Variants in STXBP4 observed in about 807,000 individuals in gnomAD.
STXBP4 encodes the protein syntaxin-binding protein 4.
Under a neutral mutation model 76.1 loss-of-function variants are expected in STXBP4, and 55 were observed. The observed-to-expected ratio is 0.72, with a 90% CI of 0.58 to 0.91. STXBP4 has a LOEUF of 0.91. STXBP4 is among the 40% of genes least tolerant of loss of function. STXBP4 has a pLI of 0.00. For synonymous variants in STXBP4, 201 were observed against 220.2 expected, an observed-to-expected ratio of 0.91 and a Z score of 0.77; for missense variants, 618 against 636.9, an observed-to-expected ratio of 0.97 and a Z score of 0.32.
chr17:55,186,395 A>G, the STXBP4 span, among the ~76,000 whole-genome samples: 1 of 152,264 alleles, frequency 6.6e-6, no homozygotes, highest in African/African-American at 2.4e-5. Flanking sequence ...GCCTCATTAT[A>G]TATTAATACT....
rs2077874725 is a variant in STXBP4, at chr17:54,999,627, A to G, written c.288-5A>G. On this transcript the variant is annotated splice_polypyrimidine_tract_variant and splice_region_variant and intron_variant, in intron 5 of 17. Coordinates refer to ENST00000376352, the MANE Select transcript of STXBP4 (RefSeq NM_178509.6). The stretch of plus-strand genomic sequence containing the variant: ...ATCCATAAAGTGATTTCTTTTTAGT[A>G]CTAGGTTAGAATCTGCTTGGGAGAT... The G allele has an allele frequency of 6.2e-7, 1 of 1,611,106 alleles. No individual in the cohort carries two copies. The highest frequency in any genetic ancestry group is 2.2e-5 in the East Asian group (1 of 44,766).
At chr17:55,056,967 T>C (rs2078931427) in intron 12 of STXBP4, among the ~76,000 whole-genome samples, 1 of 152,240 alleles carries the variant, frequency 6.6e-6, no homozygotes, top group South Asian at 2.1e-4. Context: ...TGTAACACTA[T>C]CAATAATTAA....
chr17:55,086,453 C>G (rs1283108137), intron 16 of STXBP4, among the ~76,000 whole-genome samples: 1 of 152,110 alleles, frequency 6.6e-6, no homozygotes, highest in Admixed American at 6.6e-5. Context: ...TTATTGTTAA[C>G]TATACTCATC....
chr17:55,088,909 A>G (rs895494476), intron 16 of STXBP4, among the ~76,000 whole-genome samples: 2 of 152,158 alleles, frequency 1.3e-5, no homozygotes, highest in African/African-American at 4.8e-5. Context: ...TACCTCTAAC[A>G]GTAGAGAAGT....
intron 1 of STXBP4, among the ~76,000 whole-genome samples, chr17:54,984,812 T>C (rs1255366700): frequency 6.6e-6 from 1 of 152,200 alleles, no homozygotes; most frequent in Non-Finnish European, 1.5e-5. Flanking sequence ...ATTATGTGTG[T>C]GCTCAGACTT....
At chr17:55,033,090 G>A (rs745537213) in intron 9 of STXBP4, among the ~76,000 whole-genome samples, 1 of 152,078 alleles carries the variant, frequency 6.6e-6, no homozygotes, top group African/African-American at 2.4e-5. Context: ...TTTCAGGTAG[G>A]AGGTCAGGTG....
At chr17:55,047,585 ATATT>A (rs2078807430) in intron 12 of STXBP4, among the ~76,000 whole-genome samples, 1 of 151,890 alleles carries the variant, frequency 6.6e-6, no homozygotes, top group Non-Finnish European at 1.5e-5. Flanking sequence ...TAAAAAGCAA[ATATT>A]TATTTTCACT....
intron 8 of STXBP4, among the ~76,000 whole-genome samples, chr17:55,022,153 C>T (rs17817442): frequency 0.36 from 54,681 of 151,282 alleles, 10,849 homozygotes; most frequent in East Asian, 0.56. Flanking sequence ...TCAATAAAAT[C>T]CTGAAAGCTT....
chr17:55,043,168 A>C, intron 10 of STXBP4, 68 bp from the exon 11 acceptor site: 1 of 750,178 alleles, frequency 1.3e-6, no homozygotes, highest in East Asian at 3.2e-5. Flanking sequence ...GTCAAAAATG[A>C]TTTTTATGTT....
rs1269798988 is a variant in STXBP4, at chr17:55,163,440, G to A, written c.*3529G>A. 1 of 152,116 alleles carries A rather than the reference G, an allele frequency of 6.6e-6. No individual in the cohort carries two copies. Among genetic ancestry groups the A allele is most frequent in the Non-Finnish European group, 1.5e-5 (1 of 68,036 alleles). The allele number at this position is 152,116 out of a possible 1,614,324, so 9.4% of individuals were successfully genotyped here. A position where few individuals can be genotyped will look rare whatever the true frequency, so the allele number is the denominator to read the frequency against. On this transcript the variant is annotated 3_prime_UTR_variant, in exon 18 of 18. Transcript: ENST00000376352. ...TGGTTGCGAGGACCAACTTTCAAATGAGCTAACTTGGGTGAGACGTTCACT... is the reference window on the plus strand; with the variant it reads ...TGGTTGCGAGGACCAACTTTCAAATAAGCTAACTTGGGTGAGACGTTCACT...
chr17:55,196,412 T>C, the STXBP4 span, among the ~76,000 whole-genome samples: 1 of 152,194 alleles, frequency 6.6e-6, no homozygotes, highest in Non-Finnish European at 1.5e-5. Context: ...CCTCATAGCT[T>C]TGCAAAACAT....
At position 54,986,203 on chromosome 17, in the gene STXBP4, G is replaced by C. The variant is rs1293698994; in HGVS notation, c.-17G>C. 6.3e-7 allele frequency: 1 copy of C among 1,595,698 alleles called. No homozygotes were observed. ...CATTTATACAGCTGTTAAATCCAAG[G>C]CTACTTTGGTGAAAGCATGAATAAA... On this transcript the variant is annotated 5_prime_UTR_variant, in exon 3 of 18. Coordinates refer to ENST00000376352, the MANE Select transcript of STXBP4 (RefSeq NM_178509.6).
intron 16 of STXBP4, among the ~76,000 whole-genome samples, chr17:55,131,413 T>G (rs975888582): frequency 8.5e-5 from 13 of 152,246 alleles, no homozygotes; most frequent in Non-Finnish European, 1.8e-4. Flanking sequence ...GAAATCACCT[T>G]GAGACACACT....
At chr17:55,185,519 T>C in the STXBP4 span, among the ~76,000 whole-genome samples, 1 of 152,016 alleles carries the variant, frequency 6.6e-6, no homozygotes, top group East Asian at 1.9e-4. Context: ...AAAATGTTAA[T>C]AAGGAATCTC....
intron 8 of STXBP4, among the ~76,000 whole-genome samples, chr17:55,011,508 C>CTTTTTTTTTTTTTTTTTTTTTTTT (rs3080154): frequency 2.3e-5 from 2 of 85,922 alleles, no homozygotes; most frequent in Non-Finnish European, 4.0e-5. Flanking sequence ...TTTTCTTTTT[C>CTTTTTTTTTTTTTTTTTTTTTTTT]TTTTTTTTTT....
At chr17:55,199,999 ATATC>A in the STXBP4 span, among the ~76,000 whole-genome samples, 1 of 152,236 alleles carries the variant, frequency 6.6e-6, no homozygotes, top group Non-Finnish European at 1.5e-5. Flanking sequence ...TTCCTCGGTC[ATATC>A]TATCTAGCCC....
rs1395875116 is a variant in STXBP4 at position 55,163,359 on chromosome 17, A to G, written c.*3448A>G. On this transcript the variant is annotated 3_prime_UTR_variant, in exon 18 of 18. Coordinates refer to ENST00000376352, the MANE Select transcript of STXBP4 (RefSeq NM_178509.6). The stretch of plus-strand genomic sequence containing the variant: ...TATAGAGGGAAGTCAAGTAGTGACT[A>G]ACTCACTATATGTCAAACACATCAT... 2.0e-5 allele frequency: 3 copies of G among 152,088 alleles called. No homozygotes were observed. Among genetic ancestry groups the G allele is most frequent in the Admixed American group, 2.0e-4 (3 of 15,266 alleles). 9.4% of individuals were successfully genotyped at this position (152,088 alleles called of 1,614,324 possible). A position where few individuals can be genotyped will look rare whatever the true frequency, so the allele number is the denominator to read the frequency against.
At chr17:55,181,404 TC>T in the STXBP4 span, among the ~76,000 whole-genome samples, 1 of 152,250 alleles carries the variant, frequency 6.6e-6, no homozygotes, top group Non-Finnish European at 1.5e-5. Flanking sequence ...GCTGAATTTT[TC>T]CTACTCAAAT....
intron 15 of STXBP4, among the ~76,000 whole-genome samples, chr17:55,080,743 T>C (rs2079245042): frequency 6.6e-6 from 1 of 152,110 alleles, no homozygotes; most frequent in Non-Finnish European, 1.5e-5. Context: ...TATATCATGT[T>C]AGCAAAAGAG....
Sources: gnomAD v4.1 joint callset for allele counts (sites outside exome capture counted in the v4.1 genomes callset) on GRCh38, gnomAD v4.1.1 for gene constraint, MANE v1.5 for transcripts, NCBI Gene and HGNC (gene_info 2026-07-23, HGNC 2026-07-21) for gene names.